KCTD20: variants seen among roughly 807,000 people sequenced by gnomAD.
KCTD20 encodes potassium channel tetramerization domain containing 20, also known as BTB/POZ domain-containing protein KCTD20.
In KCTD20, 30 loss-of-function variants were observed where a neutral mutation model predicts 39.6. That is an observed-to-expected ratio of 0.76 (90% CI 0.57 to 1.03). KCTD20 has a LOEUF of 1.03. KCTD20 is among the 50% of genes least tolerant of loss of function. The pLI is 0.00. For synonymous variants in KCTD20, 162 were observed against 180.6 expected, an observed-to-expected ratio of 0.90 and a Z score of 0.83; for missense variants, 422 against 522.0, an observed-to-expected ratio of 0.81 and a Z score of 1.87.
At chr6:36,467,318 ATTTTTTTTTTTTTTTTTTTT>A (rs775332647) in intron 1 of KCTD20, among the ~76,000 whole-genome samples, 10 of 29,906 alleles carry the variant, frequency 3.3e-4, no homozygotes, top group East Asian at 2.4e-3. Context: ...ATCCTTCAGG[ATTTTTTTTTTTTTTTTTTTT>A]TTTTTTTTTT....
intron 2 of KCTD20, among the ~76,000 whole-genome samples, chr6:36,471,934 C>T (rs1010813103): frequency 1.3e-5 from 2 of 151,758 alleles, no homozygotes; most frequent in East Asian, 1.9e-4. Context: ...CTGCAAGCTC[C>T]GCCTCCCGGG....
At position 36,487,037 on chromosome 6, in the gene KCTD20, C is replaced by A; in HGVS notation, c.1122C>A (p.Ser374=). The part of the protein sequence containing the change: ...HVDFQCVRSK[S]LTNLVAAGDD... ...ATTTCCAGTGTGTTCGAAGCAAATC[C>A]CTCACGAATCTGGTAGCTGCTGGAG... Residue 374 remains serine (S), a synonymous_variant, in exon 8 of 8, where the codon TCC becomes TCA. Transcript: ENST00000373731. The A allele has an allele frequency of 2.5e-6, 4 of 1,614,164 alleles. No individual in the cohort carries two copies. The highest frequency in any genetic ancestry group is 3.4e-6 in the Non-Finnish European group (4 of 1,180,036).
At chr6:36,467,113 G>T (rs890130870) in intron 1 of KCTD20, among the ~76,000 whole-genome samples, 1 of 151,512 alleles carries the variant, frequency 6.6e-6, no homozygotes, top group Non-Finnish European at 1.5e-5. Context: ...TTTGAGACCA[G>T]CCTGGCCAAC....
At chr6:36,461,652 G>A (rs897096075) in intron 1 of KCTD20, among the ~76,000 whole-genome samples, 2 of 152,188 alleles carry the variant, frequency 1.3e-5, no homozygotes, top group East Asian at 1.9e-4. Context: ...GTCTTTCAAC[G>A]TTAAGTTATA....
At chr6:36,484,975 A>G (rs1776373030) in intron 7 of KCTD20, 151 bp downstream of exon 7, 1 of 589,504 alleles carries the variant, frequency 1.7e-6, no homozygotes, top group Non-Finnish European at 3.1e-6. Context: ...TTTTTTCCTC[A>G]TTTTTCTTTT....
rs551850845 is a variant in KCTD20, at chr6:36,454,648, T to C, written c.-47+11537T>C. On this transcript the variant is annotated intron_variant, in intron 1 of 7. Coordinates refer to ENST00000373731, the MANE Select transcript of KCTD20 (RefSeq NM_173562.5). ...TGAGCCACTGTGCCCAGCCTTTTTTTTTTTTCTTGAGTCGGAGTCTTGCTC... is the reference window on the plus strand; with the variant it reads ...TGAGCCACTGTGCCCAGCCTTTTTTCTTTTTCTTGAGTCGGAGTCTTGCTC... 5.6e-5 allele frequency among the ~76,000 whole-genome samples: 8 copies of C among 143,904 alleles called. No individual in the cohort carries two copies. The South Asian group carries it at 1.8e-3, about 32-fold the overall frequency. 94.4% of individuals were successfully genotyped at this position (143,904 alleles called of 152,430 possible). A position where few individuals can be genotyped will look rare whatever the true frequency, so the allele number is the denominator to read the frequency against.
At chr6:36,444,993 G>A (rs1417611680) in intron 1 of KCTD20, among the ~76,000 whole-genome samples, 4 of 152,164 alleles carry the variant, frequency 2.6e-5, no homozygotes, top group Admixed American at 1.3e-4. Context: ...CGGGCGTGGT[G>A]GCTCATGCCT....
chr6:36,449,941 G>A (rs1318627296), intron 1 of KCTD20, among the ~76,000 whole-genome samples: 1 of 152,038 alleles, frequency 6.6e-6, no homozygotes, highest in Non-Finnish European at 1.5e-5. Context: ...GAGGCGGGCG[G>A]ATCACAAGGT....
In KCTD20 at chr6:36,481,775, A is replaced by G. The variant is rs1270819647; in HGVS notation, c.856+16A>G. 3 of 1,611,184 alleles carry G rather than the reference A, an allele frequency of 1.9e-6. No homozygotes were observed. The highest frequency in any genetic ancestry group is 1.7e-5 in the Admixed American group (1 of 59,898). On this transcript the variant is annotated intron_variant, in intron 6 of 7. Coordinates refer to ENST00000373731, the MANE Select transcript of KCTD20 (RefSeq NM_173562.5). ...TATTCCCAAAGTAGGAGCTTCTGGC[A>G]TGGCGTAGATGTTTTCAGCAAGAAA...
chr6:36,446,678 C>T (rs1775057866), intron 1 of KCTD20, among the ~76,000 whole-genome samples: 1 of 152,170 alleles, frequency 6.6e-6, no homozygotes. Context: ...AACTACTAAC[C>T]TCATCCAATG....
In KCTD20 at chr6:36,475,115, T is replaced by G. The variant is rs540685396; in HGVS notation, c.434+53T>G. Reference sequence around the variant, plus strand: ...TCATTCTGTTCTCTATAAATAAAAATACCTGCTGTTTATCTTGCATTAGAT... The same window carrying G: ...TCATTCTGTTCTCTATAAATAAAAAGACCTGCTGTTTATCTTGCATTAGAT... On this transcript the variant is annotated intron_variant, in intron 3 of 7. Transcript: ENST00000373731. 25 of 1,540,856 alleles carry G rather than the reference T, an allele frequency of 1.6e-5. No individual in the cohort carries two copies. The South Asian group carries it at 2.8e-4, about 17-fold the overall frequency.
chr6:36,485,667 G>A (rs192211064), intron 7 of KCTD20, among the ~76,000 whole-genome samples: 21 of 151,988 alleles, frequency 1.4e-4, no homozygotes, highest in Admixed American at 5.2e-4. Flanking sequence ...CTAATTTCTT[G>A]TATTTTTAGT....
intron 1 of KCTD20, among the ~76,000 whole-genome samples, chr6:36,453,483 T>A (rs1185662978): frequency 6.6e-6 from 1 of 152,010 alleles, no homozygotes; most frequent in Non-Finnish European, 1.5e-5. Flanking sequence ...ACTTTGATTA[T>A]TGTTTTTCAT....
chr6:36,476,426 C>T (rs928456618), intron 3 of KCTD20, among the ~76,000 whole-genome samples: 1 of 138,442 alleles, frequency 7.2e-6, no homozygotes, highest in Non-Finnish European at 1.5e-5. Flanking sequence ...TCACAGTGAA[C>T]CATTTTTTTT....
intron 1 of KCTD20, chr6:36,443,327 G>A (rs1008698326): frequency 6.6e-6 from 1 of 152,366 alleles, no homozygotes; most frequent in Non-Finnish European, 1.5e-5. Flanking sequence ...GCGGAGGGCA[G>A]AGTCTGGTGA....
chr6:36,470,106 T>C lies in KCTD20; in HGVS notation c.9T>C (p.Val3=). The C allele has an allele frequency of 6.2e-7, 1 of 1,612,522 alleles. No homozygotes were observed. Among genetic ancestry groups the C allele is most frequent in the South Asian group, 1.1e-5 (1 of 90,856 alleles). The change falls in exon 2 of 8, where the codon GTT becomes GTC. Residue 3 remains valine, a synonymous_variant. Coordinates refer to ENST00000373731, the MANE Select transcript of KCTD20 (RefSeq NM_173562.5). Reference sequence around the variant, plus strand: ...GGACTCAGAATCTAAGGATGAATGTTCACCGTGGCAGTGACAGTGACAGGT... The same window carrying C: ...GGACTCAGAATCTAAGGATGAATGTCCACCGTGGCAGTGACAGTGACAGGT... MN[V]HRGSDSDRLL...
chr6:36,473,763 ACT>A (rs1775981989), intron 2 of KCTD20, among the ~76,000 whole-genome samples: 1 of 152,040 alleles, frequency 6.6e-6, no homozygotes, highest in South Asian at 2.1e-4. Flanking sequence ...ACAGTGTGAG[ACT>A]CTATCTCAAA....
intron 1 of KCTD20, chr6:36,465,658 G>A (rs1775729534): frequency 2.0e-5 from 3 of 152,182 alleles, no homozygotes; most frequent in Admixed American, 2.0e-4. Context: ...CATTTTCCAA[G>A]ATGGGGAGAT....
At position 36,479,697 on chromosome 6, in the gene KCTD20, G is replaced by A. The variant is rs182729907; in HGVS notation, c.644G>A (p.Arg215Gln). Residue 215 changes from arginine (R) to glutamine (Q), a missense_variant, in exon 5 of 8, where the codon CGA (arginine) becomes CAA (glutamine). Transcript: ENST00000373731. ...LCINFDFNTI[R>Q]CQDLSALLHE... ...ATTAATTTTGACTTCAACACTATCC[G>A]ATGTCAAGATCTGAGTAAGTACAGG... The A allele has an allele frequency of 8.7e-6, 14 of 1,602,490 alleles. No homozygotes were observed. Among genetic ancestry groups the A allele is most frequent in the East Asian group, 2.3e-5 (1 of 44,440 alleles).
Sources: gnomAD v4.1 joint callset for allele counts (sites outside exome capture counted in the v4.1 genomes callset) on GRCh38, gnomAD v4.1.1 for gene constraint, MANE v1.5 for transcripts, NCBI Gene and HGNC (gene_info 2026-07-23, HGNC 2026-07-21) for gene names.